The following GBF1 variants were observed in gnomAD, a reference collection of about 807,000 sequenced individuals.
The protein encoded by GBF1 is golgi brefeldin A resistant guanine nucleotide exchange factor 1, also known as Golgi-specific brefeldin A-resistance guanine nucleotide exchange factor 1.
GBF1 carries 114 observed loss-of-function variants against 210.5 expected under a neutral mutation model. That is an observed-to-expected ratio of 0.54 (90% CI 0.47 to 0.63). The LOEUF (loss-of-function observed/expected upper bound fraction) is 0.63, where lower values mean the gene tolerates loss of function less well. Ranked by LOEUF, GBF1 falls within the 30% of genes least tolerant of loss-of-function variation. The probability of loss-of-function intolerance (pLI) is 0.00; values close to 1 mark genes in which losing one functional copy is unlikely to be tolerated. For missense variants in GBF1, 1,851 were observed against 2,357.7 expected, an observed-to-expected ratio of 0.79 and a Z score of 4.45; for synonymous variants, 850 against 889.2, an observed-to-expected ratio of 0.96 and a Z score of 0.78.
chr10:102,367,388 C>T, intron 20 of GBF1, 90 bp from the exon 21 acceptor site: 1 of 1,148,064 alleles, frequency 8.7e-7, no homozygotes, highest in East Asian at 2.3e-5. Flanking sequence ...CTTACCTTTT[C>T]CTAAGTCCTA....
intron 3 of GBF1, among the ~76,000 whole-genome samples, chr10:102,335,356 CG>C (rs2057656167): frequency 6.6e-6 from 1 of 152,098 alleles, no homozygotes; most frequent in Non-Finnish European, 1.5e-5. Flanking sequence ...TCTTCCAGGG[CG>C]GGAATTTTGG....
chr10:102,265,207 T>C (rs1386803759), intron 3 of GBF1, among the ~76,000 whole-genome samples: 1 of 152,238 alleles, frequency 6.6e-6, no homozygotes, highest in Non-Finnish European at 1.5e-5. Context: ...TTAGTTCCCT[T>C]CATCCAGTAT....
chr10:102,375,352 A>C lies in GBF1; in HGVS notation c.3661-7A>C. On this transcript the variant is annotated splice_polypyrimidine_tract_variant and splice_region_variant and intron_variant, in intron 29 of 39. Transcript: ENST00000369983. Reference sequence around the variant, plus strand: ...CTTCCCCGCTCCCTGCCCTAACCCCACTCCAGGTGCTGCTCTCCCTGCGCA... The same window carrying C: ...CTTCCCCGCTCCCTGCCCTAACCCCCCTCCAGGTGCTGCTCTCCCTGCGCA... 1.9e-6 allele frequency: 3 copies of C among 1,572,986 alleles called. No homozygotes were observed. The highest frequency in any genetic ancestry group is 2.6e-6 in the Non-Finnish European group (3 of 1,143,306).
At chr10:102,271,527 T>C (rs1461248026) in intron 3 of GBF1, among the ~76,000 whole-genome samples, 5 of 151,688 alleles carry the variant, frequency 3.3e-5, no homozygotes, top group Non-Finnish European at 7.4e-5. Flanking sequence ...TTTTTTTTTT[T>C]TTCTTTTGCA....
chr10:102,266,724 G>T (rs2073909067), intron 3 of GBF1, among the ~76,000 whole-genome samples: 1 of 152,236 alleles, frequency 6.6e-6, no homozygotes, highest in South Asian at 2.1e-4. Flanking sequence ...GTTATGGCCA[G>T]AGTTTAGCTA....
intron 26 of GBF1, 52 bp downstream of exon 26, chr10:102,370,036 T>C (rs781050643): frequency 2.5e-6 from 4 of 1,600,030 alleles, no homozygotes; most frequent in Non-Finnish European, 3.4e-6. Flanking sequence ...TCCTATTAGA[T>C]GCTACTTGGT....
At chr10:102,321,446 C>G (rs1446725944) in intron 3 of GBF1, among the ~76,000 whole-genome samples, 1 of 152,186 alleles carries the variant, frequency 6.6e-6, no homozygotes, top group Non-Finnish European at 1.5e-5. Flanking sequence ...ATTGAATGCT[C>G]TTTATCATAT....
chr10:102,260,185 A>ATT (rs1418779719), intron 3 of GBF1, 69 bp downstream of exon 3: 8 of 882,926 alleles, frequency 9.1e-6, no homozygotes, highest in Non-Finnish European at 1.5e-5. Context: ...TTGAAAGGAT[A>ATT]GACAAACTTT....
chr10:102,305,017 G>T (rs2077722378), intron 3 of GBF1, among the ~76,000 whole-genome samples: 1 of 107,544 alleles, frequency 9.3e-6, no homozygotes, highest in Non-Finnish European at 2.0e-5. Context: ...AAGAAAGAAA[G>T]AAAAAGAATA....
At chr10:102,380,809 A>G in intron 38 of GBF1, 123 bp downstream of exon 38, 1 of 811,738 alleles carries the variant, frequency 1.2e-6, no homozygotes, top group East Asian at 2.5e-5. Flanking sequence ...GGAATTTGAG[A>G]CCAGCCTGAC....
Position 102,369,789 on chromosome 10 carries a change from A to G in GBF1, c.3215+14A>G. 1.2e-6 allele frequency: 2 copies of G among 1,614,170 alleles called. No homozygotes were observed. Among genetic ancestry groups the G allele is most frequent in the Non-Finnish European group, 1.7e-6 (2 of 1,179,978 alleles). On this transcript the variant is annotated intron_variant, in intron 25 of 39. Coordinates refer to ENST00000369983, the MANE Select transcript of GBF1 (RefSeq NM_001377137.1). ...ACCATCAAACCGGTAAGAGCAGACC[A>G]GAGGCTCAGGGGCTTGGGGAGGGAG...
At chr10:102,330,198 A>G (rs1307065309) in intron 3 of GBF1, among the ~76,000 whole-genome samples, 1 of 152,128 alleles carries the variant, frequency 6.6e-6, no homozygotes, top group Non-Finnish European at 1.5e-5. Context: ...GAAGAGTATA[A>G]TACAGTGGCT....
intron 3 of GBF1, among the ~76,000 whole-genome samples, chr10:102,331,703 C>T (rs2057342867): frequency 6.6e-6 from 1 of 151,994 alleles, no homozygotes; most frequent in Non-Finnish European, 1.5e-5. Flanking sequence ...TCTTTTGAGA[C>T]AGGGCCTCAC....
chr10:102,337,501 A>G (rs539627138), intron 3 of GBF1, among the ~76,000 whole-genome samples: 4 of 152,304 alleles, frequency 2.6e-5, no homozygotes, highest in African/African-American at 9.6e-5. Flanking sequence ...TTATAAATTC[A>G]AATTTGTTTG....
intron 4 of GBF1, among the ~76,000 whole-genome samples, chr10:102,344,434 G>A (rs887209584): frequency 4.6e-5 from 7 of 152,078 alleles, no homozygotes; most frequent in Non-Finnish European, 1.0e-4. Flanking sequence ...AGAGTTAAGG[G>A]TATGGTACCT....
intron 3 of GBF1, among the ~76,000 whole-genome samples, chr10:102,277,524 G>A (rs926593341): frequency 2.0e-5 from 3 of 151,516 alleles, no homozygotes; most frequent in Non-Finnish European, 2.9e-5. Context: ...GATTACAGGC[G>A]CCCGCCACCA....
At position 102,361,050 on chromosome 10, in the gene GBF1, A is replaced by G; in HGVS notation, c.1421A>G (p.Tyr474Cys). The G allele has an allele frequency of 1.2e-6, 2 of 1,602,408 alleles. No homozygotes were observed. The highest frequency in any genetic ancestry group is 1.7e-6 in the Non-Finnish European group (2 of 1,170,122). ...QLLSIERLNL[Y>C]AASLRVCFLL... ...CTCAGCATAGAGCGACTAAACCTTT[A>G]TGCTGCTTCCCTGCGAGTATGCTTC... The change falls in exon 13 of 40, where the codon TAT becomes TGT. Residue 474 changes from tyrosine to cysteine, a missense_variant. Tyr to Cys is a radical substitution (Grantham distance 194). Transcript: ENST00000369983.
intron 3 of GBF1, among the ~76,000 whole-genome samples, chr10:102,288,283 A>T (rs1422268950): frequency 1.3e-5 from 2 of 152,076 alleles, no homozygotes; most frequent in African/African-American, 4.8e-5. Context: ...AATGAACTAG[A>T]CTGACTAGAG....
At chr10:102,254,556 C>G (rs2072062355) in intron 1 of GBF1, among the ~76,000 whole-genome samples, 3 of 152,120 alleles carry the variant, frequency 2.0e-5, no homozygotes, top group African/African-American at 2.4e-5. Context: ...AGTGACTCCT[C>G]TTTGGATCCT....
Sources: gnomAD v4.1 joint callset for allele counts (sites outside exome capture counted in the v4.1 genomes callset) on GRCh38, gnomAD v4.1.1 for gene constraint, MANE v1.5 for transcripts, NCBI Gene and HGNC (gene_info 2026-07-23, HGNC 2026-07-21) for gene names.